AGBL1: variants seen among roughly 807,000 people sequenced by gnomAD.
The protein encoded by AGBL1 is cytosolic carboxypeptidase 4.
In AGBL1, 130 loss-of-function variants were observed where a neutral mutation model predicts 118.9. The ratio of observed to expected loss-of-function variants is 1.09; its 90% CI spans 0.95 to 1.26. AGBL1 has a LOEUF of 1.26. Among genes scored for constraint, AGBL1 ranks in the 50% most tolerant of loss-of-function variants. The probability of loss-of-function intolerance (pLI) is 0.00; values close to 1 mark genes in which losing one functional copy is unlikely to be tolerated. For synonymous variants in AGBL1, 555 were observed against 478.9 expected, an observed-to-expected ratio of 1.16 and a Z score of -2.08; for missense variants, 1,584 against 1,298.1, an observed-to-expected ratio of 1.22 and a Z score of -3.38.
intron 22 of AGBL1, among the ~76,000 whole-genome samples, chr15:86,683,460 T>G (rs938313300): frequency 1.3e-5 from 2 of 152,184 alleles, no homozygotes; most frequent in Non-Finnish European, 2.9e-5. Context: ...TGTTACCACC[T>G]AATAACAACC....
chr15:86,204,988 A>G (rs1412104982), intron 5 of AGBL1, among the ~76,000 whole-genome samples: 1 of 152,150 alleles, frequency 6.6e-6, no homozygotes, highest in Non-Finnish European at 1.5e-5. Flanking sequence ...GGGTTTGGAG[A>G]AATTTATAGT....
intron 17 of AGBL1, among the ~76,000 whole-genome samples, chr15:86,327,199 C>T (rs547391631): frequency 1.3e-5 from 2 of 152,068 alleles, no homozygotes; most frequent in Admixed American, 6.6e-5. Context: ...AGTCAATGTG[C>T]GGACTGACCC....
intron 21 of AGBL1, among the ~76,000 whole-genome samples, chr15:86,657,626 A>G (rs2085481343): frequency 6.6e-6 from 1 of 152,132 alleles, no homozygotes; most frequent in African/African-American, 2.4e-5. Flanking sequence ...ACATTTTCAA[A>G]CCCCTAGTTA....
At chr15:86,237,143 A>T (rs1424134516) in intron 6 of AGBL1, among the ~76,000 whole-genome samples, 2 of 152,054 alleles carry the variant, frequency 1.3e-5, no homozygotes, top group Non-Finnish European at 2.9e-5. Context: ...AGAAACAAAA[A>T]CTTCCCAAGG....
chr15:86,635,204 C>A lies in AGBL1; in HGVS notation c.2995-39069C>A, dbSNP rs1037036098. Among the ~76,000 whole-genome samples the A allele has an allele frequency of 3.3e-5, 5 of 149,824 alleles. No homozygotes were observed. The South Asian group carries it at 1.1e-3, about 32-fold the overall frequency. On this transcript the variant is annotated intron_variant, in intron 21 of 22. Coordinates refer to ENST00000614907, the MANE Select transcript of AGBL1 (RefSeq NM_001386094.1). ...GTTTACCCATAATTTCTTGTCTTGC[C>A]CTATTTTGGGTGGCAGGGGATATAA... is the stretch of plus-strand genomic sequence containing the variant.
intron 10 of AGBL1, 26 bp from the exon 11 acceptor site, chr15:86,264,232 T>G: frequency 6.6e-7 from 1 of 1,507,356 alleles, no homozygotes; most frequent in Non-Finnish European, 9.0e-7. Context: ...CACACTAACA[T>G]ATTGTATTCC....
At chr15:87,016,252 T>C (rs919113874) in intron 24 of AGBL1, among the ~76,000 whole-genome samples, 1 of 43,012 alleles carries the variant, frequency 2.3e-5, no homozygotes, top group African/African-American at 7.2e-5. Context: ...TTTTAATAAC[T>C]GTCCCAGGTG....
At chr15:86,829,540 G>A (rs754540504) in intron 22 of AGBL1, among the ~76,000 whole-genome samples, 2 of 152,074 alleles carry the variant, frequency 1.3e-5, no homozygotes, top group Non-Finnish European at 2.9e-5. Flanking sequence ...CTATGGAAGA[G>A]AACCACTTGC....
At chr15:86,352,016 A>C (rs1283463603) in intron 17 of AGBL1, among the ~76,000 whole-genome samples, 1 of 152,194 alleles carries the variant, frequency 6.6e-6, no homozygotes, top group Non-Finnish European at 1.5e-5. Flanking sequence ...AGTGCTGCCC[A>C]ATGCCTGAAC....
intron 21 of AGBL1, among the ~76,000 whole-genome samples, chr15:86,568,545 T>C (rs2083952811): frequency 2.6e-5 from 4 of 152,226 alleles, no homozygotes; most frequent in Admixed American, 2.6e-4. Flanking sequence ...GAATGAAGCA[T>C]CTCATTAAAT....
chr15:86,431,197 T>G (rs946758959), intron 18 of AGBL1, among the ~76,000 whole-genome samples: 1 of 152,106 alleles, frequency 6.6e-6, no homozygotes, highest in Non-Finnish European at 1.5e-5. Context: ...CCAGGAGAGA[T>G]TAGTGCCTGA....
intron 1 of AGBL1, 32 bp from the exon 2 acceptor site, chr15:86,141,972 C>G (rs750880264): frequency 1.0e-4 from 155 of 1,545,888 alleles, no homozygotes; most frequent in Middle Eastern, 8.3e-4. Context: ...CTCTTGCATT[C>G]TTAAATATGG....
Position 86,487,219 on chromosome 15 carries a change from G to T in AGBL1, c.2556-35591G>T, listed in dbSNP as rs146263746. On this transcript the variant is annotated intron_variant, in intron 18 of 22. Transcript: ENST00000614907. ...GGTCACAAGGAGATGGCCACAGGGT[G>T]CAGCGTTCATCCAGAAACAAGCTCA... 1.4e-4 allele frequency among the ~76,000 whole-genome samples: 22 copies of T among 152,146 alleles called. 1 individual carries two copies. In the Middle Eastern group the frequency reaches 0.027, roughly 188 times the overall value.
rs2142050629 is a variant in AGBL1 at position 86,270,081 on chromosome 15, G to A, written c.1987+14G>A. Reference sequence around the variant, plus strand: ...AGTTTAATTATGGTATGAACGCTTGGGGAGCAGGGGCTTTCTGGAACATGC... The same window carrying A: ...AGTTTAATTATGGTATGAACGCTTGAGGAGCAGGGGCTTTCTGGAACATGC... On this transcript the variant is annotated intron_variant, in intron 14 of 22. Coordinates refer to ENST00000614907, the MANE Select transcript of AGBL1 (RefSeq NM_001386094.1). 1.2e-6 allele frequency: 2 copies of A among 1,603,750 alleles called. No homozygotes were observed. Among genetic ancestry groups the A allele is most frequent in the Non-Finnish European group, 1.7e-6 (2 of 1,175,110 alleles).
intron 23 of AGBL1, among the ~76,000 whole-genome samples, chr15:86,978,524 A>G (rs1351724141): frequency 2.6e-5 from 4 of 152,220 alleles, no homozygotes; most frequent in Admixed American, 2.6e-4. Context: ...AAGGTAAAAC[A>G]AGTAGTGCTC....
At chr15:86,924,407 T>C (rs937869422) in intron 23 of AGBL1, among the ~76,000 whole-genome samples, 17 of 152,336 alleles carry the variant, frequency 1.1e-4, no homozygotes, top group African/African-American at 4.1e-4. Flanking sequence ...ATTGATTTGG[T>C]TTATAGTCAG....
chr15:86,833,152 G>A (rs1309563092), intron 22 of AGBL1, among the ~76,000 whole-genome samples: 1 of 152,116 alleles, frequency 6.6e-6, no homozygotes, highest in Non-Finnish European at 1.5e-5. Context: ...TGACTCATGG[G>A]CATTATGGGA....
rs948770973 is a variant in AGBL1 at position 86,909,696 on chromosome 15, C to T, written c.*2402C>T. On this transcript the variant is annotated 3_prime_UTR_variant, in exon 23 of 23. Coordinates refer to ENST00000614907, the MANE Select transcript of AGBL1 (RefSeq NM_001386094.1). ...TAATCTTTCCACTCTTAAATAAAGG[C>T]TAGCATAATGGTGCTGATTTCTCTT... 3.3e-5 allele frequency: 5 copies of T among 152,206 alleles called. No individual in the cohort carries two copies. Among genetic ancestry groups the T allele is most frequent in the Admixed American group, 1.3e-4 (2 of 15,288 alleles). 9.4% of individuals were successfully genotyped at this position (152,206 alleles called of 1,614,324 possible).
Position 87,024,931 on chromosome 15 carries a change from C to A in AGBL1, c.3324-3894C>A, listed in dbSNP as rs151215344. On this transcript the variant is annotated intron_variant, in intron 24 of 24. Coordinates refer to the AGBL1 transcript ENST00000441037. Reference sequence around the variant, plus strand: ...AAAGCATTTGACAAAATCCAGCATCCCTTTATGATTAAAACTCTCAGTAAA... The same window carrying A: ...AAAGCATTTGACAAAATCCAGCATCACTTTATGATTAAAACTCTCAGTAAA... Among the ~76,000 whole-genome samples the A allele has an allele frequency of 8.4e-4, 127 of 152,048 alleles. 1 individual carries two copies. Among genetic ancestry groups the A allele is most frequent in the African/African-American group, 3.0e-3 (125 of 41,512 alleles).
Sources: gnomAD v4.1 joint callset for allele counts (sites outside exome capture counted in the v4.1 genomes callset) on GRCh38, gnomAD v4.1.1 for gene constraint, MANE v1.5 for transcripts, NCBI Gene and HGNC (gene_info 2026-07-23, HGNC 2026-07-21) for gene names.